The following CPNE6 variants were observed in gnomAD, a reference collection of about 807,000 sequenced individuals.
The protein encoded by CPNE6 is copine 6, also known as copine-6.
Under a neutral mutation model 71.5 loss-of-function variants are expected in CPNE6, and 33 were observed. The observed-to-expected ratio is 0.46, with a 90% CI of 0.35 to 0.62. The LOEUF (loss-of-function observed/expected upper bound fraction) is 0.62, where lower values mean the gene tolerates loss of function less well. CPNE6 is among the 20% of genes least tolerant of loss of function. CPNE6 has a pLI of 0.00. For synonymous variants in CPNE6, 296 were observed against 293.0 expected, an observed-to-expected ratio of 1.01 and a Z score of -0.10; for missense variants, 576 against 747.3, an observed-to-expected ratio of 0.77 and a Z score of 2.67.
In CPNE6 at chr14:24,074,636, G is replaced by A. The variant is rs1324573648; in HGVS notation, c.582+22G>A. ...TGAGGTTGGTGCCTGGGGCTATGGG[G>A]ATGAAGGGAGGGAGAGTAAAGTAAG... is the stretch of plus-strand genomic sequence containing the variant. On this transcript the variant is annotated intron_variant, in intron 7 of 17. Coordinates refer to ENST00000397016, the Ensembl canonical transcript of CPNE6. This position sits in a 1 kb window ranked among gnomAD's most constrained non-coding sequence, Gnocchi z 4.5. The A allele has an allele frequency of 1.9e-6, 3 of 1,613,878 alleles. No homozygotes were observed. Among genetic ancestry groups the A allele is most frequent in the Non-Finnish European group, 1.7e-6 (2 of 1,179,734 alleles).
Position 24,074,304 on chromosome 14 carries a change from A to C in CPNE6, c.437A>C (p.Glu146Ala). ...TCCCCCTTGCAGATCGTGGCCGAGG[A>C]GGTATCAGGCACAAACGACTATGTG... is the stretch of plus-strand genomic sequence containing the variant. Residue 146 changes from glutamate to alanine, a missense_variant, in exon 6 of 18, where the codon GAG becomes GCG. Glu to Ala is a moderately radical substitution (Grantham distance 107). Around this residue, in one of 4 missense-constraint regions of CPNE6, gnomAD observed 214 missense variants for 291.2 expected, o/e 0.73. Transcript: ENST00000397016. This position sits in a 1 kb window ranked among gnomAD's most constrained non-coding sequence, Gnocchi z 4.5. 6.3e-7 allele frequency: 1 copy of C among 1,576,900 alleles called. No homozygotes were observed. Among genetic ancestry groups the C allele is most frequent in the Non-Finnish European group, 8.6e-7 (1 of 1,159,184 alleles).
intron 12 of CPNE6, 35 bp from the exon 12 acceptor site, chr14:24,076,325 G>A: frequency 6.2e-7 from 1 of 1,614,238 alleles, no homozygotes; most frequent in Non-Finnish European, 8.5e-7. Flanking sequence ...GGGAGGCCTT[G>A]CCCAACGGAT....
Position 24,077,443 on chromosome 14 carries a change from C to G in CPNE6, c.1536+53C>G, listed in dbSNP as rs759450514. ...AAGGACTCCTCAGCTTCTCATCCCC[C>G]CAAATCTGACCTTCGTCTTCCACCA... On this transcript the variant is annotated intron_variant, in intron 16 of 17. Coordinates refer to ENST00000397016, the Ensembl canonical transcript of CPNE6. This position sits in a 1 kb window ranked among gnomAD's most constrained non-coding sequence, Gnocchi z 6.1. 4 of 1,583,386 alleles carry G rather than the reference C, an allele frequency of 2.5e-6. No homozygotes were observed. Among genetic ancestry groups the G allele is most frequent in the South Asian group, 2.2e-5 (2 of 90,478 alleles).
At position 24,076,174 on chromosome 14, in the gene CPNE6, A is replaced by G; in HGVS notation, c.950A>G (p.Asn317Ser). 4 of 1,613,878 alleles carry G rather than the reference A, an allele frequency of 2.5e-6. No homozygotes were observed. Among genetic ancestry groups the G allele is most frequent in the Non-Finnish European group, 3.4e-6 (4 of 1,179,886 alleles). The change falls in exon 12 of 18, where the codon AAT becomes AGT. Residue 317 changes from asparagine (N) to serine (S), a missense_variant. Physicochemically the swap from Asn to Ser is conservative, Grantham distance 46 (BLOSUM62 1). Around this residue, in one of 4 missense-constraint regions of CPNE6, gnomAD observed 264 missense variants for 339.9 expected, o/e 0.78. Coordinates refer to ENST00000397016, the Ensembl canonical transcript of CPNE6. ...GTGGCCATTGACTTCACCGCCTCCA[A>G]TGGGGACCCGAGGAGCAGCCAGTCC...
chr14:24,076,640 G>C (rs768604060), intron 14 of CPNE6, 83 bp downstream of exon 13: 1 of 1,574,722 alleles, frequency 6.4e-7, no homozygotes, highest in South Asian at 1.1e-5. Flanking sequence ...CCAGGGCCCA[G>C]CTTCCTGTCC....
intron 2 of CPNE6, chr14:24,071,906 G>A: frequency 2.4e-6 from 1 of 413,856 alleles, no homozygotes; most frequent in Non-Finnish European, 4.3e-6. Flanking sequence ...CCAGAGAAAG[G>A]TCCCACTTCT....
chr14:24,072,859 A>T (rs1013409798), intron 2 of CPNE6, 74 bp from the exon 2 acceptor site: 3 of 1,319,198 alleles, frequency 2.3e-6, no homozygotes, highest in Non-Finnish European at 2.9e-6. Flanking sequence ...GGGCCCAGGG[A>T]CCCTAGAGGA....
Position 24,077,902 on chromosome 14 carries a change from C to T in CPNE6, c.*52C>T. On this transcript the variant is annotated 3_prime_UTR_variant, in exon 18 of 18. Transcript: ENST00000397016. The surrounding 1 kb of genome is among the most constrained non-coding windows in gnomAD (Gnocchi z 6.1). ...CCCCCTCCCAGGTGCCTGTCCTGACCCTCGTGACTCCAGTGACCAATGCCT... is the reference window on the plus strand; with the variant it reads ...CCCCCTCCCAGGTGCCTGTCCTGACTCTCGTGACTCCAGTGACCAATGCCT... The T allele has an allele frequency of 1.6e-6, 1 of 631,184 alleles. No individual in the cohort carries two copies. The highest frequency in any genetic ancestry group is 3.1e-5 in the East Asian group (1 of 32,764). The allele number at this position is 631,184 out of a possible 1,614,324, so 39.1% of individuals were successfully genotyped here.
chr14:24,071,763 A>C, intron 2 of CPNE6, 122 bp downstream of exon 1: 3 of 534,462 alleles, frequency 5.6e-6, no homozygotes, highest in South Asian at 2.5e-5. Flanking sequence ...TCACCACCAC[A>C]AGCCCCTGCC....
At chr14:24,076,643 T>C (rs2036075825) in intron 14 of CPNE6, 86 bp downstream of exon 13, 1 of 1,560,766 alleles carries the variant, frequency 6.4e-7, no homozygotes, top group Non-Finnish European at 8.8e-7. Context: ...GGGCCCAGCT[T>C]CCTGTCCCTT....
At chr14:24,071,912 C>T in intron 2 of CPNE6, 1 of 412,344 alleles carries the variant, frequency 2.4e-6, no homozygotes, top group South Asian at 4.9e-5. Flanking sequence ...AAAGGTCCCA[C>T]TTCTGAGGGA....
exon 2 of CPNE6, chr14:24,071,610 C>T (rs1446120333): frequency 2.4e-6 from 3 of 1,262,678 alleles, no homozygotes; most frequent in South Asian, 2.5e-5. Flanking sequence ...GGCCAGAGAG[C>T]CGGAGAGAGG....
At position 24,075,672 on chromosome 14, in the gene CPNE6, A is replaced by C; in HGVS notation, c.864+81A>C. On this transcript the variant is annotated intron_variant, in intron 10 of 17. Transcript: ENST00000397016. The surrounding 1 kb of genome is among the most constrained non-coding windows in gnomAD (Gnocchi z 4.3). ...TCAGGTTCAACCCTTCCCTTGTTTCAAAGACCAGTTTCTCTGCTTCTGGGA... is the reference window on the plus strand; with the variant it reads ...TCAGGTTCAACCCTTCCCTTGTTTCCAAGACCAGTTTCTCTGCTTCTGGGA... 1.4e-6 allele frequency: 2 copies of C among 1,411,616 alleles called. No individual in the cohort carries two copies. The highest frequency in any genetic ancestry group is 2.4e-5 in the South Asian group (2 of 81,866). 87.4% of individuals were successfully genotyped at this position (1,411,616 alleles called of 1,614,324 possible).
Position 24,077,896 on chromosome 14 carries a change from C to A in CPNE6, c.*46C>A. ...CTCCCACCCCCTCCCAGGTGCCTGTCCTGACCCTCGTGACTCCAGTGACCA... is the reference window on the plus strand; with the variant it reads ...CTCCCACCCCCTCCCAGGTGCCTGTACTGACCCTCGTGACTCCAGTGACCA... On this transcript the variant is annotated 3_prime_UTR_variant, in exon 18 of 18. Coordinates refer to ENST00000397016, the Ensembl canonical transcript of CPNE6. The surrounding 1 kb of genome is among the most constrained non-coding windows in gnomAD (Gnocchi z 6.1). 1.4e-6 allele frequency: 1 copy of A among 709,122 alleles called. No individual in the cohort carries two copies. The highest frequency in any genetic ancestry group is 2.1e-6 in the Non-Finnish European group (1 of 476,138). The allele number at this position is 709,122 out of a possible 1,614,324, so 43.9% of individuals were successfully genotyped here. A position where few individuals can be genotyped will look rare whatever the true frequency, so the allele number is the denominator to read the frequency against.
exon 13 of CPNE6, chr14:24,076,407 A>T: frequency 6.2e-7 from 1 of 1,614,114 alleles, no homozygotes; most frequent in Non-Finnish European, 8.5e-7. Flanking sequence ...ATCCCCCCCA[A>T]CTTCGAGGTA....
chr14:24,076,788 C>G, intron 14 of CPNE6, 91 bp from the exon 14 acceptor site: 1 of 1,591,658 alleles, frequency 6.3e-7, no homozygotes, highest in Non-Finnish European at 8.6e-7. Context: ...GAGGGCAGTC[C>G]TCAGACCTGG....
chr14:24,073,256 G>A lies in CPNE6; in HGVS notation c.168+152G>A, dbSNP rs1263401274. ...TGGGTACCCTGGAGATGGTGTCCCA[G>A]AGGGTCCTGAGATTGACCCAGAGGC... On this transcript the variant is annotated intron_variant, in intron 3 of 17. Coordinates refer to ENST00000397016, the Ensembl canonical transcript of CPNE6. The surrounding 1 kb of genome is among the most constrained non-coding windows in gnomAD (Gnocchi z 5.5). The A allele has an allele frequency of 1.1e-6, 1 of 931,592 alleles. No homozygotes were observed. Among genetic ancestry groups the A allele is most frequent in the Admixed American group, 3.4e-5 (1 of 29,746 alleles). 57.7% of individuals were successfully genotyped at this position (931,592 alleles called of 1,614,324 possible). A position where few individuals can be genotyped will look rare whatever the true frequency, so the allele number is the denominator to read the frequency against.
chr14:24,076,219 G>A lies in CPNE6; in HGVS notation c.995G>A (p.Arg332Gln), dbSNP rs144417886. Residue 332 changes from arginine (R) to glutamine (Q), a missense_variant, in exon 12 of 18, where the codon CGA becomes CAA. Transcript: ENST00000397016. The stretch of plus-strand genomic sequence containing the variant: ...CAGTCCCTGCACTGCCTCAGTCCCC[G>A]ACAGCCCAACCACTACCTGCAGGCC... 39 of 1,614,160 alleles carry A rather than the reference G, an allele frequency of 2.4e-5. No individual in the cohort carries two copies. Among genetic ancestry groups the A allele is most frequent in the East Asian group, 1.1e-4 (5 of 44,876 alleles).
Position 24,075,667 on chromosome 14 carries a change from G to C in CPNE6, c.864+76G>C. 7.0e-7 allele frequency: 1 copy of C among 1,421,848 alleles called. No individual in the cohort carries two copies. Among genetic ancestry groups the C allele is most frequent in the Non-Finnish European group, 9.8e-7 (1 of 1,024,554 alleles). The allele number at this position is 1,421,848 out of a possible 1,614,324, so 88.1% of individuals were successfully genotyped here. A position where few individuals can be genotyped will look rare whatever the true frequency, so the allele number is the denominator to read the frequency against. ...CACTCTCAGGTTCAACCCTTCCCTT[G>C]TTTCAAAGACCAGTTTCTCTGCTTC... is the stretch of plus-strand genomic sequence containing the variant. On this transcript the variant is annotated intron_variant, in intron 10 of 17. Transcript: ENST00000397016. The surrounding 1 kb of genome is among the most constrained non-coding windows in gnomAD (Gnocchi z 4.3).
Sources: gnomAD v4.1 joint callset for allele counts on GRCh38, gnomAD v4.1.1 for gene constraint, gnomAD v4.1.1 regional missense constraint, Gnocchi (gnomAD v3.1) non-coding constraint, MANE v1.5 for transcripts, NCBI Gene and HGNC (gene_info 2026-07-23, HGNC 2026-07-21) for gene names.